The following ARHGEF28 variants were observed in gnomAD, a reference collection of about 807,000 sequenced individuals.
ARHGEF28 encodes the protein 190 kDa guanine nucleotide exchange factor.
Under a neutral mutation model 206.6 loss-of-function variants are expected in ARHGEF28, and 152 were observed. The ratio of observed to expected loss-of-function variants is 0.74; its 90% CI spans 0.64 to 0.84. The LOEUF (loss-of-function observed/expected upper bound fraction) is 0.84. ARHGEF28 is among the 40% of genes least tolerant of loss of function. The pLI is 0.00. For missense variants in ARHGEF28, 2,028 were observed against 2,073.2 expected (o/e 0.98, Z 0.42); for synonymous variants, 763 against 776.4 (o/e 0.98, Z 0.29).
intron 12 of ARHGEF28, among the ~76,000 whole-genome samples, chr5:73,847,682 C>G (rs1758448906): frequency 6.6e-6 from 1 of 152,138 alleles, no homozygotes; most frequent in African/African-American, 2.4e-5. Context: ...GAATCTGAAC[C>G]ATAAATATAT....
intron 31 of ARHGEF28, chr5:73,902,347 G>A (rs1762316773): frequency 6.6e-6 from 1 of 152,154 alleles, no homozygotes; most frequent in Non-Finnish European, 1.5e-5. Flanking sequence ...GTCCAACTGT[G>A]TTAATAGAAA....
At chr5:73,898,291 G>C (rs1048782241) in intron 30 of ARHGEF28, 198 bp downstream of exon 30, 3 of 563,794 alleles carry the variant, frequency 5.3e-6, no homozygotes, top group Non-Finnish European at 8.4e-6. Context: ...GGGGTTTCAA[G>C]TATGAGGATC....
intron 7 of ARHGEF28, among the ~76,000 whole-genome samples, chr5:73,787,179 T>C (rs1312411248): frequency 2.0e-5 from 3 of 152,176 alleles, no homozygotes; most frequent in Non-Finnish European, 2.9e-5. Flanking sequence ...AGCTGGGACC[T>C]GGGTGTTGGG....
chr5:73,734,286 C>T (rs571540827), intron 2 of ARHGEF28, among the ~76,000 whole-genome samples: 22 of 152,184 alleles, frequency 1.4e-4, no homozygotes, highest in African/African-American at 4.8e-4. Context: ...GATGAGATGG[C>T]CTGAAATTCA....
intron 1 of ARHGEF28, among the ~76,000 whole-genome samples, chr5:73,637,389 T>G (rs989272660): frequency 6.6e-6 from 1 of 152,222 alleles, no homozygotes; most frequent in African/African-American, 2.4e-5. Context: ...CAAAAAGAGA[T>G]AGCAAATCTG....
intron 35 of ARHGEF28, among the ~76,000 whole-genome samples, chr5:73,913,384 AAAG>A (rs1203650258): frequency 1.4e-4 from 22 of 152,222 alleles, no homozygotes; most frequent in Admixed American, 1.2e-3. Context: ...ACAGGGGAGA[AAAG>A]AAAGTCAGAG....
At chr5:73,649,110 TATAG>T (rs1467159441) in intron 1 of ARHGEF28, among the ~76,000 whole-genome samples, 2 of 152,244 alleles carry the variant, frequency 1.3e-5, no homozygotes, top group Non-Finnish European at 2.9e-5. Context: ...ATCCCCATTG[TATAG>T]ATAAAGACAG....
At chr5:73,671,694 TTATATATATATATATATATA>T (rs1182569252) in intron 1 of ARHGEF28, among the ~76,000 whole-genome samples, 103 of 76,076 alleles carry the variant, frequency 1.4e-3, no homozygotes, top group African/African-American at 3.1e-3. Flanking sequence ...TTGAACTTGA[TTATATATATATATATATATA>T]TATATATATA....
chr5:73,836,164 CAGT>C (rs1757619958), intron 10 of ARHGEF28, among the ~76,000 whole-genome samples: 2 of 152,074 alleles, frequency 1.3e-5, no homozygotes, highest in Non-Finnish European at 2.9e-5. Context: ...GATATATACT[CAGT>C]GGTGGGATTG....
At chr5:73,829,224 G>A (rs1458350909) in intron 9 of ARHGEF28, among the ~76,000 whole-genome samples, 1 of 152,134 alleles carries the variant, frequency 6.6e-6, no homozygotes, top group Non-Finnish European at 1.5e-5. Context: ...AGTCATGCAG[G>A]TATTTTCTTT....
At chr5:73,647,051 C>G (rs1194191300) in intron 1 of ARHGEF28, among the ~76,000 whole-genome samples, 1 of 152,184 alleles carries the variant, frequency 6.6e-6, no homozygotes, top group African/African-American at 2.4e-5. Context: ...ATTGTATATA[C>G]AGGTTGAGCA....
At chr5:73,632,484 A>G (rs1374134619) in intron 1 of ARHGEF28, among the ~76,000 whole-genome samples, 1 of 152,244 alleles carries the variant, frequency 6.6e-6, no homozygotes, top group African/African-American at 2.4e-5. Context: ...TCATGACCAT[A>G]AAGATAATCC....
rs79707899 is a variant in ARHGEF28 at position 73,683,119 on chromosome 5, T to G, written c.-11-1722T>G. On this transcript the variant is annotated intron_variant, in intron 1 of 35. Coordinates refer to ENST00000513042, the MANE Select transcript of ARHGEF28 (RefSeq NM_001177693.2). Reference sequence around the variant, plus strand: ...TTGGTGTTCAGTGAGTGATGCTGGGTTTTTTTTGTTTTTTTTCTAAGTAGG... The same window carrying G: ...TTGGTGTTCAGTGAGTGATGCTGGGGTTTTTTTGTTTTTTTTCTAAGTAGG... Among the ~76,000 whole-genome samples the G allele has an allele frequency of 3.6e-3, 537 of 151,102 alleles. 3 individuals carry two copies. Among genetic ancestry groups the G allele is most frequent in the African/African-American group, 0.012 (502 of 40,644 alleles).
At chr5:73,869,139 G>T (rs62358588) in intron 20 of ARHGEF28, among the ~76,000 whole-genome samples, 41,498 of 145,562 alleles carry the variant, frequency 0.29, 6,214 homozygotes, top group Admixed American at 0.4. Flanking sequence ...CATCTCATTT[G>T]TACTGCTTTG....
chr5:73,852,567 A>G (rs915808702), intron 13 of ARHGEF28, 83 bp from the exon 14 acceptor site: 5 of 1,176,244 alleles, frequency 4.3e-6, no homozygotes, highest in Non-Finnish European at 6.4e-6. Context: ...ATGATACAAT[A>G]TGGTTGAGTA....
chr5:73,761,254 C>T (rs1752586641), intron 4 of ARHGEF28, among the ~76,000 whole-genome samples: 3 of 152,108 alleles, frequency 2.0e-5, no homozygotes, highest in Admixed American at 6.5e-5. Flanking sequence ...ATCTTCATAA[C>T]CTTGAAGGAG....
chr5:73,668,296 G>A (rs1008180940), intron 1 of ARHGEF28, among the ~76,000 whole-genome samples: 8 of 152,220 alleles, frequency 5.3e-5, no homozygotes, highest in African/African-American at 1.4e-4. Context: ...CACAGATTGG[G>A]TAATTTATAA....
intron 2 of ARHGEF28, 21 bp from the exon 3 acceptor site, chr5:73,749,816 C>T (rs1318068255): frequency 6.2e-7 from 1 of 1,612,956 alleles, no homozygotes; most frequent in Non-Finnish European, 8.5e-7. Flanking sequence ...CTGACAATGC[C>T]CCGACTTATT....
At chr5:73,831,137 C>T (rs73763137) in intron 9 of ARHGEF28, among the ~76,000 whole-genome samples, 1,839 of 152,274 alleles carry the variant, frequency 0.012, 28 homozygotes, top group African/African-American at 0.039. Flanking sequence ...AATAGTAATT[C>T]TGACCAATAA....
Sources: gnomAD v4.1 joint callset for allele counts (sites outside exome capture counted in the v4.1 genomes callset) on GRCh38, gnomAD v4.1.1 for gene constraint, MANE v1.5 for transcripts, NCBI Gene and HGNC (gene_info 2026-07-23, HGNC 2026-07-21) for gene names.